RB1: variants seen among roughly 807,000 people sequenced by gnomAD.
The protein encoded by RB1 is RB transcriptional corepressor 1.
RB1 carries 18 observed loss-of-function variants against 135.4 expected under a neutral mutation model. The observed-to-expected ratio is 0.13, with a 90% CI of 0.09 to 0.20. The LOEUF is 0.20. RB1 is among the 10% of genes least tolerant of loss of function. The pLI is 1.00. For synonymous variants in RB1, 365 were observed against 373.2 expected (o/e 0.98, Z 0.25); for missense variants, 868 against 1,110.0 (o/e 0.78, Z 3.10).
chr13:48,454,131 A>T (rs1949345753), intron 18 of RB1, among the ~76,000 whole-genome samples: 1 of 152,254 alleles, frequency 6.6e-6, no homozygotes, highest in South Asian at 2.1e-4. Flanking sequence ...TCAGCCTGTT[A>T]ACTATAAAAT....
chr13:48,386,352 G>A (rs1004340341), intron 17 of RB1, among the ~76,000 whole-genome samples: 4 of 87,732 alleles, frequency 4.6e-5, no homozygotes, highest in African/African-American at 1.5e-4. Context: ...CTAGACTACA[G>A]ACCTGTATGG....
chr13:48,353,036 C>T (rs1484572079), intron 6 of RB1, among the ~76,000 whole-genome samples: 1 of 151,912 alleles, frequency 6.6e-6, no homozygotes, highest in Non-Finnish European at 1.5e-5. Context: ...AACAATCTAA[C>T]ATTGTATCTT....
intron 1 of RB1, 150 bp from the exon 2 acceptor site, chr13:48,307,130 A>G: frequency 1.6e-6 from 1 of 619,342 alleles, no homozygotes; most frequent in Non-Finnish European, 2.7e-6. Context: ...TTTGAAGTGT[A>G]ATGTTTTTCT....
chr13:48,432,391 C>T (rs1372048456), intron 17 of RB1, among the ~76,000 whole-genome samples: 1 of 150,290 alleles, frequency 6.7e-6, no homozygotes, highest in Non-Finnish European at 1.5e-5. Flanking sequence ...TTTTTCATGG[C>T]ACCTCATAAA....
intron 2 of RB1, chr13:48,317,665 C>T: frequency 3.8e-6 from 2 of 527,990 alleles, no homozygotes; most frequent in African/African-American, 4.2e-5. Context: ...GACACTGCCA[C>T]TGGTGCTCCT....
At chr13:48,328,621 A>G (rs1952308721) in intron 2 of RB1, 1 of 595,356 alleles carries the variant, frequency 1.7e-6, no homozygotes, top group Non-Finnish European at 3.0e-6. Flanking sequence ...AAGTTGGGAT[A>G]TAAATAATTA....
intron 12 of RB1, among the ~76,000 whole-genome samples, chr13:48,375,847 G>A (rs935096596): frequency 1.1e-4 from 16 of 151,876 alleles, no homozygotes; most frequent in African/African-American, 3.9e-4. Context: ...CCAAAGTGCC[G>A]GGATTACAGT....
chr13:48,397,690 A>G lies in RB1; in HGVS notation c.1695+16247A>G, dbSNP rs375565128. Among the ~76,000 whole-genome samples, 12 of 152,136 alleles carry G rather than the reference A, an allele frequency of 7.9e-5. No homozygotes were observed. The East Asian group carries it at 1.2e-3, about 15-fold the overall frequency. On this transcript the variant is annotated intron_variant, in intron 17 of 26. Transcript: ENST00000267163. ...ATATATCTTTCAAATTATCTTTTCAAATTTAAATCGAGGGTCATTTTATGT... is the reference window on the plus strand; with the variant it reads ...ATATATCTTTCAAATTATCTTTTCAGATTTAAATCGAGGGTCATTTTATGT...
Position 48,319,112 on chromosome 13 carries a change from G to T in RB1, c.264+11706G>T, listed in dbSNP as rs1401846905. ...AAACTCGTTCCTGGAAGCCGGGCTC[G>T]CTGGAGGCGGAGCTTTGGTTTCCTT... On this transcript the variant is annotated intron_variant, in intron 2 of 26. Coordinates refer to ENST00000267163, the MANE Select transcript of RB1 (RefSeq NM_000321.3). The surrounding 1 kb of genome is among the most constrained non-coding windows in gnomAD (Gnocchi z 5.0). 4.9e-6 allele frequency: 3 copies of T among 606,958 alleles called. No homozygotes were observed. The highest frequency in any genetic ancestry group is 1.5e-5 in the South Asian group (1 of 64,896). 37.6% of individuals were successfully genotyped at this position (606,958 alleles called of 1,614,324 possible).
In RB1 at chr13:48,364,958, A is replaced by G. The variant is rs1952680701; in HGVS notation, c.926A>G (p.Asn309Ser). 1 of 1,571,682 alleles carries G rather than the reference A, an allele frequency of 6.4e-7. No individual in the cohort carries two copies. The highest frequency in any genetic ancestry group is 8.7e-7 in the Non-Finnish European group (1 of 1,154,402). ...AATTCTCTTGGACTTGTAACATCTA[A>G]TGGACTTCCAGAGGTAATCTGAAAG... ...FMNSLGLVTS[N>S]GLPEVENLSK... is the part of the protein sequence containing the mutation. Residue 309 changes from asparagine (N) to serine (S), a missense_variant, in exon 9 of 27, where the codon AAT becomes AGT. By Grantham distance (46) the Asn-to-Ser change is conservative. This residue lies in a region of RB1 where 641 missense variants were observed against 791.3 expected (regional missense o/e 0.81). Transcript: ENST00000267163.
chr13:48,327,516 C>T (rs1952298356), intron 2 of RB1, among the ~76,000 whole-genome samples: 1 of 152,106 alleles, frequency 6.6e-6, no homozygotes, highest in African/African-American at 2.4e-5. Flanking sequence ...CGTCTGTATC[C>T]ACTGATAGCA....
In RB1 at chr13:48,453,103, A is replaced by G. The variant is rs1181046997; in HGVS notation, c.1806A>G (p.Ala602=). ...LNLPLQNNHT[A]ADMYLSPVRS... ...TTCCTCTCCAGAATAATCACACTGC[A>G]GCAGATATGTAAGCAAAATATATGT... The change falls in exon 18 of 27, where the codon GCA becomes GCG. Residue 602 remains alanine, a synonymous_variant. Transcript: ENST00000267163. The G allele has an allele frequency of 6.2e-7, 1 of 1,612,246 alleles. No homozygotes were observed. The highest frequency in any genetic ancestry group is 8.5e-7 in the Non-Finnish European group (1 of 1,179,546).
chr13:48,377,439 C>T (rs1479272031), intron 13 of RB1, among the ~76,000 whole-genome samples: 2 of 152,090 alleles, frequency 1.3e-5, no homozygotes, highest in Non-Finnish European at 2.9e-5. Flanking sequence ...AAATCTAAAG[C>T]TAATATAATA....
intron 13 of RB1, among the ~76,000 whole-genome samples, chr13:48,378,121 G>A (rs985931047): frequency 4.6e-5 from 7 of 152,088 alleles, no homozygotes; most frequent in Admixed American, 3.9e-4. Flanking sequence ...GTACACTATC[G>A]TAGACTTTAT....
intron 19 of RB1, among the ~76,000 whole-genome samples, chr13:48,456,590 G>T (rs80149180): frequency 3.4e-3 from 525 of 152,292 alleles, no homozygotes; most frequent in Non-Finnish European, 5.6e-3. Flanking sequence ...TTTTGCTCAG[G>T]CCCACCGGGC....
At chr13:48,417,109 G>C (rs1948924583) in intron 17 of RB1, 1 of 152,326 alleles carries the variant, frequency 6.6e-6, no homozygotes, top group African/African-American at 2.4e-5. Flanking sequence ...GTGGGTCTCT[G>C]ACCCCCATGT....
intron 1 of RB1, among the ~76,000 whole-genome samples, chr13:48,306,687 CAA>C (rs1434449229): frequency 1.3e-5 from 2 of 152,140 alleles, no homozygotes; most frequent in African/African-American, 2.4e-5. Context: ...AGTAAATACT[CAA>C]AAATTATTAA....
intron 2 of RB1, chr13:48,318,544 C>T (rs1387181617): frequency 5.2e-6 from 4 of 772,920 alleles, no homozygotes; most frequent in Non-Finnish European, 8.3e-6. Flanking sequence ...CCCTCCCCTC[C>T]CGGGACCTCG....
intron 2 of RB1, chr13:48,317,308 G>C (rs1343562354): frequency 2.5e-6 from 1 of 395,416 alleles, no homozygotes; most frequent in Non-Finnish European, 4.5e-6. Context: ...GCCCCAGGCG[G>C]GGCCCTCGGA....
Sources: allele counts gnomAD v4.1 joint callset (sites outside exome capture counted in the v4.1 genomes callset), GRCh38; gene constraint gnomAD v4.1.1; regional missense constraint gnomAD v4.1.1; non-coding constraint Gnocchi (gnomAD v3.1); transcripts MANE v1.5; gene names NCBI Gene and HGNC (gene_info 2026-07-23, HGNC 2026-07-21).